ABL2: variants seen among roughly 807,000 people sequenced by gnomAD.
ABL2 encodes tyrosine-protein kinase ABL2.
Under a neutral mutation model 107.7 loss-of-function variants are expected in ABL2, and 49 were observed. The observed-to-expected ratio is 0.45, with a 90% CI of 0.36 to 0.58. The LOEUF is 0.58. Among genes scored for constraint, ABL2 ranks in the 20% least tolerant of loss-of-function variants. The pLI, the probability that ABL2 is intolerant of heterozygous loss-of-function variation, is 0.00. For missense variants in ABL2, 1,245 were observed against 1,457.0 expected, an observed-to-expected ratio of 0.85 and a Z score of 2.37; for synonymous variants, 549 against 548.6, an observed-to-expected ratio of 1.00 and a Z score of -0.01.
At position 179,108,013 on chromosome 1, in the gene ABL2, C is replaced by T. The variant is rs28913891; in HGVS notation, c.3254G>A (p.Ser1085Asn). The part of the protein sequence containing the change: ...AAEKISADKI[S>N]KEALLECADL... Reference sequence around the variant, plus strand: ...AGCACATTCCAGCAGGGCCTCTTTGCTGATTTTGTCTGCTGAGATTTTCTC... The same window carrying T: ...AGCACATTCCAGCAGGGCCTCTTTGTTGATTTTGTCTGCTGAGATTTTCTC... The change falls in exon 12 of 12, where the codon AGC becomes AAC. Residue 1085 changes from serine to asparagine, a missense_variant. Physicochemically the swap from Ser to Asn is conservative, Grantham distance 46 (BLOSUM62 1). Coordinates refer to ENST00000502732, the MANE Select transcript of ABL2 (RefSeq NM_007314.4). 8.8e-5 allele frequency: 142 copies of T among 1,614,216 alleles called. No individual in the cohort carries two copies. The East Asian group carries it at 3.1e-3, about 35-fold the overall frequency.
intron 1 of ABL2, chr1:179,142,904 T>C: frequency 1.2e-6 from 2 of 1,607,490 alleles, no homozygotes; most frequent in Non-Finnish European, 1.7e-6. Context: ...TTATCAAGCC[T>C]CCCTGAAACT....
chr1:179,174,990 G>C (rs564018144), intron 1 of ABL2, among the ~76,000 whole-genome samples: 3 of 150,626 alleles, frequency 2.0e-5, no homozygotes, highest in African/African-American at 7.3e-5. Context: ...AATATAAAAG[G>C]GTGCTTATCC....
At chr1:179,177,747 G>T (rs1227769881) in intron 1 of ABL2, among the ~76,000 whole-genome samples, 1 of 152,086 alleles carries the variant, frequency 6.6e-6, no homozygotes, top group Non-Finnish European at 1.5e-5. Context: ...TGTATTAAGA[G>T]GTTATGAAAC....
intron 10 of ABL2, among the ~76,000 whole-genome samples, chr1:179,111,584 C>T (rs1475902644): frequency 6.6e-6 from 1 of 152,122 alleles, no homozygotes; most frequent in Non-Finnish European, 1.5e-5. Flanking sequence ...CTGTGCCTGC[C>T]AAGCCTGATT....
At chr1:179,193,984 G>GC (rs907923942) in intron 1 of ABL2, among the ~76,000 whole-genome samples, 13 of 152,074 alleles carry the variant, frequency 8.5e-5, no homozygotes, top group African/African-American at 3.1e-4. Flanking sequence ...TTAAGTGATA[G>GC]CAACAACTGG....
intron 1 of ABL2, among the ~76,000 whole-genome samples, chr1:179,159,317 A>T (rs1658917696): frequency 6.6e-6 from 1 of 152,228 alleles, no homozygotes; most frequent in South Asian, 2.1e-4. Context: ...CTCCACAAGC[A>T]AGGTAACACA....
intron 1 of ABL2, among the ~76,000 whole-genome samples, chr1:179,211,251 C>T (rs1662256161): frequency 6.6e-6 from 1 of 152,148 alleles, no homozygotes; most frequent in Non-Finnish European, 1.5e-5. Flanking sequence ...GACCTGCTGG[C>T]TCACATCTGT....
intron 1 of ABL2, among the ~76,000 whole-genome samples, chr1:179,221,421 T>C (rs1462700690): frequency 6.6e-6 from 1 of 152,122 alleles, no homozygotes; most frequent in Non-Finnish European, 1.5e-5. Flanking sequence ...TGAAAACCCA[T>C]CTGTACTGAA....
chr1:179,103,711 G>GCAC lies in ABL2; in HGVS notation c.*4004_*4006dup, dbSNP rs1653288752. ...GAGCATGTGCTTTAGAAAGTGTGCA[G>GCAC]CACCACACAGGCTGATTGTCGGTCT... On this transcript the variant is annotated 3_prime_UTR_variant, in exon 12 of 12. Transcript: ENST00000502732. 4.4e-6 allele frequency: 1 copy of GCAC among 227,430 alleles called. No individual in the cohort carries two copies. Among genetic ancestry groups the GCAC allele is most frequent in the African/African-American group, 2.2e-5 (1 of 44,998 alleles). 14.1% of individuals were successfully genotyped at this position (227,430 alleles called of 1,614,324 possible).
At chr1:179,215,471 C>A (rs1466659138) in intron 1 of ABL2, among the ~76,000 whole-genome samples, 1 of 152,052 alleles carries the variant, frequency 6.6e-6, no homozygotes, top group Non-Finnish European at 1.5e-5. Context: ...CTGTGGCTCA[C>A]GCCTGTAATC....
chr1:179,181,421 A>C (rs72709476), intron 1 of ABL2, among the ~76,000 whole-genome samples: 2 of 152,170 alleles, frequency 1.3e-5, no homozygotes, highest in South Asian at 4.1e-4. Flanking sequence ...GAGTATTGAG[A>C]ATCAGAGTAA....
rs970113897 is a variant in ABL2 at position 179,136,492 on chromosome 1, A to G, written c.158-3118T>C. 1.3e-4 allele frequency among the ~76,000 whole-genome samples: 20 copies of G among 151,712 alleles called. 1 individual carries two copies. The South Asian group carries it at 3.1e-3, about 24-fold the overall frequency. ...AGGGCGGTGCAAGATGTGCTTTGTT[A>G]AACAGATGCTTGAAGGCAGCATGCT... is the stretch of plus-strand genomic sequence containing the variant. On this transcript the variant is annotated intron_variant, in intron 1 of 11. Coordinates refer to ENST00000502732, the MANE Select transcript of ABL2 (RefSeq NM_007314.4).
At chr1:179,121,077 C>T (rs1005437813) in intron 5 of ABL2, among the ~76,000 whole-genome samples, 1 of 152,160 alleles carries the variant, frequency 6.6e-6, no homozygotes, top group Non-Finnish European at 1.5e-5. Flanking sequence ...GTTACTGAGG[C>T]TCTGGGAGAA....
intron 1 of ABL2, among the ~76,000 whole-genome samples, chr1:179,192,912 T>G (rs1297283584): frequency 6.6e-6 from 1 of 152,230 alleles, no homozygotes; most frequent in African/African-American, 2.4e-5. Context: ...TTATGTCTAT[T>G]TGAATTACTA....
At chr1:179,148,886 C>G (rs1409337706) in intron 1 of ABL2, among the ~76,000 whole-genome samples, 1 of 121,376 alleles carries the variant, frequency 8.2e-6, no homozygotes, top group African/African-American at 3.2e-5. Context: ...GGCAACAGAG[C>G]AAGACTCCGT....
At chr1:179,128,941 T>C (rs2102654568) in intron 3 of ABL2, among the ~76,000 whole-genome samples, 1 of 151,760 alleles carries the variant, frequency 6.6e-6, no homozygotes, top group Non-Finnish European at 1.5e-5. Flanking sequence ...TGCCTCAACC[T>C]CCCAAAGTGC....
rs907290083 is a variant in ABL2 at position 179,229,645 on chromosome 1, C to G, written c.-248G>C. On this transcript the variant is annotated 5_prime_UTR_variant, in exon 1 of 12. Coordinates refer to ENST00000502732, the MANE Select transcript of ABL2 (RefSeq NM_007314.4). ...TCCGCGCCCCCAACGCCGCCGCCGC[C>G]GCCGCCGCCACCGCCGCCGCCATCT... is the stretch of plus-strand genomic sequence containing the variant. The G allele has an allele frequency of 2.0e-5, 10 of 504,232 alleles. No individual in the cohort carries two copies. Among genetic ancestry groups the G allele is most frequent in the Non-Finnish European group, 3.1e-5 (9 of 291,778 alleles). 31.2% of individuals were successfully genotyped at this position (504,232 alleles called of 1,614,324 possible).
chr1:179,174,920 A>AAAAAAAAAATAAT (rs1659958398), intron 1 of ABL2, among the ~76,000 whole-genome samples: 1 of 122,874 alleles, frequency 8.1e-6, no homozygotes. Flanking sequence ...AAAATAAAAA[A>AAAAAAAAAATAAT]AATAATAATA....
In ABL2 at chr1:179,103,624, G is replaced by A. The variant is rs1557898166; in HGVS notation, c.*4094C>T. On this transcript the variant is annotated 3_prime_UTR_variant, in exon 12 of 12. Coordinates refer to ENST00000502732, the MANE Select transcript of ABL2 (RefSeq NM_007314.4). ...TTTTTAAATGACTGAATTCTACTGA[G>A]TGCTTGCTTGGCTTGTGTTCCCATT... The A allele has an allele frequency of 4.5e-6, 1 of 223,002 alleles. No homozygotes were observed. Among genetic ancestry groups the A allele is most frequent in the African/African-American group, 2.2e-5 (1 of 44,742 alleles). 13.8% of individuals were successfully genotyped at this position (223,002 alleles called of 1,614,324 possible). A position where few individuals can be genotyped will look rare whatever the true frequency, so the allele number is the denominator to read the frequency against.
Sources: gnomAD v4.1 joint callset for allele counts (sites outside exome capture counted in the v4.1 genomes callset) on GRCh38, gnomAD v4.1.1 for gene constraint, MANE v1.5 for transcripts, NCBI Gene and HGNC (gene_info 2026-07-23, HGNC 2026-07-21) for gene names.